Variants in NDUFA5 observed in about 807,000 individuals in gnomAD.
The protein encoded by NDUFA5 is NADH:ubiquinone oxidoreductase subunit A5.
A neutral mutation model predicts 19.8 loss-of-function variants in NDUFA5; 11 were observed. The ratio of observed to expected loss-of-function variants is 0.56; its 90% CI spans 0.35 to 0.92. The LOEUF (loss-of-function observed/expected upper bound fraction) is 0.92. Among genes scored for constraint, NDUFA5 ranks in the 40% least tolerant of loss-of-function variants. NDUFA5 has a pLI of 0.01. For synonymous variants in NDUFA5, 47 were observed against 46.8 expected (o/e 1.00, Z -0.01); for missense variants, 109 against 134.2 (o/e 0.81, Z 0.93).
the NDUFA5 span, among the ~76,000 whole-genome samples, chr7:123,577,239 G>A: frequency 1.8e-3 from 268 of 152,138 alleles, no homozygotes; most frequent in African/African-American, 6.4e-3. Flanking sequence ...TGCAGGATAT[G>A]GCCATGATTT....
At position 123,551,556 on chromosome 7, in the gene NDUFA5, TA is replaced by T. The variant is rs893854489; in HGVS notation, c.67-971del. 13 of 931,512 alleles carry T rather than the reference TA, an allele frequency of 1.4e-5. No homozygotes were observed. In the African/African-American group the frequency reaches 2.2e-4, roughly 15 times the overall value. The allele number at this position is 931,512 out of a possible 1,614,324, so 57.7% of individuals were successfully genotyped here. A position where few individuals can be genotyped will look rare whatever the true frequency, so the allele number is the denominator to read the frequency against. On this transcript the variant is annotated intron_variant, in intron 2 of 4. Transcript: ENST00000355749. Reference sequence around the variant, plus strand: ...CCGAAGCACTGCAAATTTTTTTTTTTAATTTTTCTTATTTGAATTTCTGTAG... The same window carrying T: ...CCGAAGCACTGCAAATTTTTTTTTTTATTTTTCTTATTTGAATTTCTGTAG...
At chr7:123,599,312 C>T in the NDUFA5 span, among the ~76,000 whole-genome samples, 4 of 152,140 alleles carry the variant, frequency 2.6e-5, no homozygotes, top group African/African-American at 9.7e-5. Context: ...AAGTAGGACT[C>T]CCCAAGGTGT....
At chr7:123,557,610 A>G in intron 1 of NDUFA5, 162 bp from the exon 2 acceptor site, 1 of 1,613,384 alleles carries the variant, frequency 6.2e-7, no homozygotes, top group Non-Finnish European at 8.5e-7. Context: ...TGACTCTCGG[A>G]GCGGAACCAC....
At chr7:123,583,229 A>T in the NDUFA5 span, among the ~76,000 whole-genome samples, 1 of 151,988 alleles carries the variant, frequency 6.6e-6, no homozygotes, top group African/African-American at 2.4e-5. Context: ...GTCTCTAAAA[A>T]GATAAATAAA....
At chr7:123,588,640 C>T in the NDUFA5 span, among the ~76,000 whole-genome samples, 3 of 134,866 alleles carry the variant, frequency 2.2e-5, no homozygotes, top group African/African-American at 8.2e-5. Context: ...TTTTCTTTTT[C>T]TAGTTGTTTG....
chr7:123,563,865 T>A, the NDUFA5 span, among the ~76,000 whole-genome samples: 1 of 152,120 alleles, frequency 6.6e-6, no homozygotes, highest in Non-Finnish European at 1.5e-5. Context: ...GAGATTTATG[T>A]TTAGATGCCA....
chr7:123,576,928 G>A, the NDUFA5 span, among the ~76,000 whole-genome samples: 1 of 151,994 alleles, frequency 6.6e-6, no homozygotes, highest in Non-Finnish European at 1.5e-5. Context: ...GTCATTCTCC[G>A]TGTTGCTTAT....
the NDUFA5 span, among the ~76,000 whole-genome samples, chr7:123,570,365 A>G: frequency 6.6e-6 from 1 of 152,188 alleles, no homozygotes; most frequent in East Asian, 1.9e-4. Context: ...GGTGAAAGGT[A>G]GCACTTACTT....
chr7:123,567,880 A>G, the NDUFA5 span, among the ~76,000 whole-genome samples: 1 of 152,160 alleles, frequency 6.6e-6, no homozygotes, highest in Non-Finnish European at 1.5e-5. Context: ...TTCAAATTCC[A>G]ATCACTTGGA....
intron 2 of NDUFA5, among the ~76,000 whole-genome samples, chr7:123,553,771 T>C (rs1018656933): frequency 1.3e-5 from 2 of 152,190 alleles, no homozygotes; most frequent in African/African-American, 4.8e-5. Flanking sequence ...AAGATGGGAA[T>C]AATACTGCCT....
chr7:123,563,734 T>C, the NDUFA5 span, among the ~76,000 whole-genome samples: 3 of 152,220 alleles, frequency 2.0e-5, no homozygotes, highest in Non-Finnish European at 4.4e-5. Flanking sequence ...GTGCCTTTTA[T>C]ACATATACGT....
At chr7:123,563,044 G>A in the NDUFA5 span, among the ~76,000 whole-genome samples, 73 of 152,018 alleles carry the variant, frequency 4.8e-4, no homozygotes, top group African/African-American at 1.6e-3. Context: ...CAGGTGATCC[G>A]CCCACCTCGG....
chr7:123,592,226 T>G, the NDUFA5 span, among the ~76,000 whole-genome samples: 3 of 152,328 alleles, frequency 2.0e-5, no homozygotes, highest in Middle Eastern at 6.8e-3. Flanking sequence ...CTATCTATTT[T>G]GTTGATCTTT....
At chr7:123,600,503 T>C in the NDUFA5 span, among the ~76,000 whole-genome samples, 2 of 152,044 alleles carry the variant, frequency 1.3e-5, no homozygotes, top group Non-Finnish European at 2.9e-5. Context: ...ATATTGTAAG[T>C]AAAAAAAAGT....
intron 2 of NDUFA5, chr7:123,554,552 C>T (rs889049175): frequency 1.3e-5 from 2 of 152,066 alleles, no homozygotes; most frequent in African/African-American, 4.8e-5. Context: ...CACTATCCCA[C>T]TCTATCCTTT....
chr7:123,592,098 T>C, the NDUFA5 span, among the ~76,000 whole-genome samples: 2 of 152,212 alleles, frequency 1.3e-5, no homozygotes, highest in African/African-American at 4.8e-5. Flanking sequence ...GAGGTGTTTA[T>C]AGTATTCTGA....
In NDUFA5 at chr7:123,540,889, T is replaced by TGCGCGCGCGC. The variant is rs142574797; in HGVS notation, c.*1229_*1230insGCGCGCGCGC. On this transcript the variant is annotated 3_prime_UTR_variant, in exon 5 of 5. Transcript: ENST00000355749. ...TTCTGAGCAAATGTGCGCATGCGCGTGCACACACACACACACACACACACA... is the reference window on the plus strand; with the variant it reads ...TTCTGAGCAAATGTGCGCATGCGCGTGCGCGCGCGCGCACACACACACACACACACACACA... The TGCGCGCGCGC allele has an allele frequency of 8.9e-3, 988 of 110,396 alleles. 10 individuals are homozygous for TGCGCGCGCGC. The highest frequency in any genetic ancestry group is 0.03 in the African/African-American group (857 of 28,416). 6.8% of individuals were successfully genotyped at this position (110,396 alleles called of 1,614,324 possible).
chr7:123,594,452 G>T, the NDUFA5 span, among the ~76,000 whole-genome samples: 5 of 152,094 alleles, frequency 3.3e-5, no homozygotes, highest in African/African-American at 1.2e-4. Context: ...GGTGACCTAC[G>T]TATGGGGTTT....
chr7:123,557,713 G>C, intron 1 of NDUFA5, 62 bp downstream of exon 1: 1 of 1,613,994 alleles, frequency 6.2e-7, no homozygotes, highest in Admixed American at 1.7e-5. Context: ...CGGGAAGTAG[G>C]GCTATCGGAC....
Sources: allele counts gnomAD v4.1 joint callset (sites outside exome capture counted in the v4.1 genomes callset), GRCh38; gene constraint gnomAD v4.1.1; transcripts MANE v1.5; gene names NCBI Gene and HGNC (gene_info 2026-07-23, HGNC 2026-07-21).